Variants in ZFAND6 observed in about 807,000 individuals in gnomAD.
The protein encoded by ZFAND6 is zinc finger AN1-type containing 6, also known as AN1-type zinc finger protein 6.
In ZFAND6, 12 loss-of-function variants were observed where a neutral mutation model predicts 24.5. The observed-to-expected ratio is 0.49, with a 90% confidence interval of 0.31 to 0.79. The LOEUF (loss-of-function observed/expected upper bound fraction) is 0.79, where lower values mean the gene tolerates loss of function less well. ZFAND6 is among the 30% of genes least tolerant of loss of function. ZFAND6 has a pLI of 0.04. For missense variants in ZFAND6, 207 were observed against 245.9 expected, an observed-to-expected ratio of 0.84 and a Z score of 1.06; for synonymous variants, 92 against 81.5, an observed-to-expected ratio of 1.13 and a Z score of -0.69.
chr15:80,124,190 T>G (rs2040270959), intron 5 of ZFAND6, among the ~76,000 whole-genome samples: 1 of 152,146 alleles, frequency 6.6e-6, no homozygotes, highest in African/African-American at 2.4e-5. Context: ...TCCCAGCACT[T>G]TGGGAGGCTG....
chr15:80,069,682 G>T (rs2036863333), intron 1 of ZFAND6, among the ~76,000 whole-genome samples: 1 of 151,552 alleles, frequency 6.6e-6, no homozygotes, highest in Non-Finnish European at 1.5e-5. Context: ...GCCCAGGCTG[G>T]AGTGCAATGT....
chr15:80,093,468 C>T (rs901114558), intron 1 of ZFAND6, among the ~76,000 whole-genome samples: 1 of 151,986 alleles, frequency 6.6e-6, no homozygotes, highest in Non-Finnish European at 1.5e-5. Context: ...TGGCTCACGC[C>T]TGTAATCCCA....
At chr15:80,090,320 G>A (rs149410854) in intron 1 of ZFAND6, among the ~76,000 whole-genome samples, 7 of 152,274 alleles carry the variant, frequency 4.6e-5, no homozygotes, top group African/African-American at 1.7e-4. Flanking sequence ...GTCTTAGCAT[G>A]TTCAGGTGCT....
At chr15:80,124,904 CAT>C (rs1204822719) in intron 5 of ZFAND6, among the ~76,000 whole-genome samples, 1 of 152,090 alleles carries the variant, frequency 6.6e-6, no homozygotes, top group African/African-American at 2.4e-5. Context: ...AAAAATTTAA[CAT>C]ATTATTGAAT....
intron 1 of ZFAND6, among the ~76,000 whole-genome samples, chr15:80,066,693 T>TC: frequency 1.3e-5 from 2 of 151,832 alleles, no homozygotes; most frequent in Middle Eastern, 3.4e-3. Context: ...TGTCAAGAGT[T>TC]CAAGACCAGC....
chr15:80,121,765 A>C lies in ZFAND6; in HGVS notation c.208A>C (p.Ser70Arg). 1 of 1,613,956 alleles carries C rather than the reference A, an allele frequency of 6.2e-7. No individual in the cohort carries two copies. The highest frequency in any genetic ancestry group is 8.5e-7 in the Non-Finnish European group (1 of 1,179,880). The change falls in exon 4 of 7, where the codon AGT (serine) becomes CGT (arginine). Residue 70 changes from serine (S) to arginine (R), a missense_variant. Coordinates refer to ENST00000261749, the MANE Select transcript of ZFAND6 (RefSeq NM_019006.4). ...ESLPVQCTDG[S>R]VPEAQSALDS... ...TTTACCAGTTCAATGCACAGATGGC[A>C]GTGTGCCAGAAGCCCAGTCAGCATT...
intron 6 of ZFAND6, among the ~76,000 whole-genome samples, chr15:80,137,161 C>G (rs114894800): frequency 6.6e-6 from 1 of 152,238 alleles, no homozygotes; most frequent in Non-Finnish European, 1.5e-5. Context: ...ATTCTCACAT[C>G]GTAGTGTTTG....
intron 1 of ZFAND6, among the ~76,000 whole-genome samples, chr15:80,094,312 C>T (rs1258176232): frequency 7.2e-5 from 11 of 152,146 alleles, no homozygotes; most frequent in Non-Finnish European, 2.9e-5. Flanking sequence ...ACTTGAGCTC[C>T]GCCTCCTGTC....
intron 1 of ZFAND6, among the ~76,000 whole-genome samples, chr15:80,090,430 C>T (rs954808247): frequency 6.6e-6 from 1 of 152,160 alleles, no homozygotes; most frequent in African/African-American, 2.4e-5. Flanking sequence ...GCCTCAGTTT[C>T]CTCATTCTAA....
intron 1 of ZFAND6, among the ~76,000 whole-genome samples, chr15:80,093,761 G>A (rs2038539045): frequency 6.6e-6 from 1 of 152,190 alleles, no homozygotes; most frequent in Admixed American, 6.5e-5. Flanking sequence ...AACTTAATTT[G>A]GAGTTTTTAG....
intron 1 of ZFAND6, among the ~76,000 whole-genome samples, chr15:80,084,715 C>G (rs1030152696): frequency 6.6e-6 from 1 of 152,216 alleles, no homozygotes; most frequent in African/African-American, 2.4e-5. Flanking sequence ...TTAGGATTTT[C>G]TCTTCAAGTC....
intron 2 of ZFAND6, among the ~76,000 whole-genome samples, chr15:80,101,572 G>C (rs1445823804): frequency 6.6e-6 from 1 of 152,160 alleles, no homozygotes; most frequent in African/African-American, 2.4e-5. Context: ...GATGGCTACT[G>C]TGTTGGACAA....
intron 2 of ZFAND6, among the ~76,000 whole-genome samples, chr15:80,117,239 T>TC (rs552012512): frequency 1.2e-4 from 19 of 152,216 alleles, no homozygotes; most frequent in African/African-American, 4.6e-4. Flanking sequence ...TTTTTTTTTT[T>TC]TGAGACGGAG....
At chr15:80,122,985 A>G in intron 5 of ZFAND6, 185 bp downstream of exon 5, 1 of 506,298 alleles carries the variant, frequency 2.0e-6, no homozygotes, top group South Asian at 3.0e-5. Flanking sequence ...ACTTACATGT[A>G]ATTTTATCAT....
At chr15:80,083,273 G>A (rs1287742943) in intron 1 of ZFAND6, among the ~76,000 whole-genome samples, 1 of 152,126 alleles carries the variant, frequency 6.6e-6, no homozygotes, top group African/African-American at 2.4e-5. Flanking sequence ...TTACAAGCAT[G>A]AGCCACCGCA....
chr15:80,066,868 G>A (rs940589902), intron 1 of ZFAND6, among the ~76,000 whole-genome samples: 4 of 148,858 alleles, frequency 2.7e-5, no homozygotes, highest in Non-Finnish European at 4.4e-5. Flanking sequence ...CTACACTCTA[G>A]CCTGGGCGAC....
intron 1 of ZFAND6, among the ~76,000 whole-genome samples, chr15:80,089,268 T>TTG (rs1318550018): frequency 7.3e-5 from 10 of 136,416 alleles, no homozygotes; most frequent in South Asian, 2.5e-4. Context: ...TGTTTTTTTT[T>TTG]TTTTTTTTTT....
At chr15:80,095,158 C>T (rs1262790727) in intron 1 of ZFAND6, among the ~76,000 whole-genome samples, 1 of 152,112 alleles carries the variant, frequency 6.6e-6, no homozygotes, top group Non-Finnish European at 1.5e-5. Flanking sequence ...CTCCTTTAAT[C>T]AGGAACATTT....
chr15:80,129,403 GATA>G (rs917150361), intron 5 of ZFAND6, among the ~76,000 whole-genome samples: 15 of 152,286 alleles, frequency 9.8e-5, no homozygotes, highest in African/African-American at 3.1e-4. Flanking sequence ...TAAAATATGA[GATA>G]ATGATGGTAG....
Sources: gnomAD v4.1 joint callset for allele counts (sites outside exome capture counted in the v4.1 genomes callset) on GRCh38, gnomAD v4.1.1 for gene constraint, MANE v1.5 for transcripts, NCBI Gene and HGNC (gene_info 2026-07-23, HGNC 2026-07-21) for gene names.